Variants in MCAT observed in about 807,000 individuals in gnomAD.
MCAT encodes malonyl-CoA-acyl carrier protein transacylase, mitochondrial.
MCAT carries 22 observed loss-of-function variants against 22.9 expected under a neutral mutation model. The ratio of observed to expected loss-of-function variants is 0.96; its 90% CI spans 0.69 to 1.37. MCAT has a LOEUF of 1.37. MCAT is among the 40% of genes most tolerant of loss of function. MCAT has a pLI of 0.00. For missense variants in MCAT, 534 were observed against 533.6 expected, an observed-to-expected ratio of 1.00 and a Z score of -0.01; for synonymous variants, 240 against 233.9, an observed-to-expected ratio of 1.03 and a Z score of -0.24.
intron 2 of MCAT, 109 bp from the exon 3 acceptor site, chr22:43,137,407 C>CCAGGTA (rs1930648359): frequency 1.2e-6 from 1 of 843,606 alleles, no homozygotes; most frequent in African/African-American, 1.7e-5. Flanking sequence ...GACAGGGGCA[C>CCAGGTA]TGGTGTCTGC....
intron 3 of MCAT, among the ~76,000 whole-genome samples, chr22:43,134,438 C>T (rs763450863): frequency 7.2e-5 from 11 of 152,168 alleles, no homozygotes; most frequent in African/African-American, 2.2e-4. Context: ...ACCTCCACCT[C>T]GCAGGTTCAA....
At chr22:43,140,906 G>A (rs577762625) in intron 2 of MCAT, 91 of 468,338 alleles carry the variant, frequency 1.9e-4, no homozygotes, top group African/African-American at 1.7e-3. Context: ...CTGCAGGTAT[G>A]AGTGCACAGG....
chr22:43,142,969 G>A lies in MCAT; in HGVS notation c.380C>T (p.Ala127Val). The stretch of plus-strand genomic sequence containing the variant: ...TAGTTTCTCGACAGCGGCCAGCGAT[G>A]CCACGAAGATCGCGGGCTGACAGTG... ...TVHCQPAIFV[A>V]SLAAVEKLHH... Residue 127 changes from alanine (A) to valine (V), a missense_variant, in exon 1 of 4, where the codon GCA becomes GTA. Physicochemically the swap from Ala to Val is moderately conservative, Grantham distance 64 (BLOSUM62 0). Coordinates refer to ENST00000290429, the MANE Select transcript of MCAT (RefSeq NM_173467.5). 1 of 1,596,892 alleles carries A rather than the reference G, an allele frequency of 6.3e-7. No homozygotes were observed. The highest frequency in any genetic ancestry group is 1.1e-5 in the South Asian group (1 of 89,470).
intron 3 of MCAT, among the ~76,000 whole-genome samples, 155 bp downstream of exon 3, chr22:43,136,926 A>T (rs1326059294): frequency 6.6e-6 from 1 of 152,198 alleles, no homozygotes; most frequent in Non-Finnish European, 1.5e-5. Flanking sequence ...CCTGCTTTGC[A>T]GCACTCGGTC....
Position 43,143,340 on chromosome 22 carries a change from G to C in MCAT, c.9C>G (p.Val3=). 3.6e-6 allele frequency: 5 copies of C among 1,385,226 alleles called. No individual in the cohort carries two copies. Among genetic ancestry groups the C allele is most frequent in the Non-Finnish European group, 4.6e-6 (5 of 1,078,806 alleles). 85.8% of individuals were successfully genotyped at this position (1,385,226 alleles called of 1,614,324 possible). MS[V]RVARVAWVRG... Reference sequence around the variant, plus strand: ...TGACCCACGCTACCCGTGCGACCCGGACGCTCATGGTCGGACACCTGCCCG... The same window carrying C: ...TGACCCACGCTACCCGTGCGACCCGCACGCTCATGGTCGGACACCTGCCCG... The change falls in exon 1 of 4, where the codon GTC becomes GTG. Residue 3 remains valine, a synonymous_variant. Transcript: ENST00000290429.
In MCAT at chr22:43,143,159, C is replaced by G. The variant is rs533875030; in HGVS notation, c.190G>C (p.Val64Leu). The G allele has an allele frequency of 4.4e-5, 70 of 1,578,914 alleles. No individual in the cohort carries two copies. In the South Asian group the frequency reaches 8.0e-4, roughly 18 times the overall value. Residue 64 changes from valine (V) to leucine (L), a missense_variant, in exon 1 of 4, where the codon GTG becomes CTG. Physicochemically the swap from Val to Leu is conservative, Grantham distance 32. Coordinates refer to ENST00000290429, the MANE Select transcript of MCAT (RefSeq NM_173467.5). ...CTGCCCTGGCCCGGGAAGAGCAGCA[C>G]GGAGCACTGGCCCGGCATTCGCCGC... ...TERRMPGQCS[V>L]LLFPGQGSQV...
intron 2 of MCAT, chr22:43,140,876 A>G (rs59831398): frequency 0.012 from 4,852 of 394,452 alleles, 230 homozygotes; most frequent in African/African-American, 0.089. Flanking sequence ...TACTGAACAC[A>G]TACTCTCGTG....
chr22:43,137,242 G>A lies in MCAT; in HGVS notation c.568C>T (p.Pro190Ser). The change falls in exon 3 of 4, where the codon CCC becomes TCC. Residue 190 changes from proline to serine, a missense_variant. Physicochemically the swap from Pro to Ser is moderately conservative, Grantham distance 74 (BLOSUM62 -1). Transcript: ENST00000290429. ...EAMQEASEAV[P>S]SGMLSVLGQP... is the part of the protein sequence containing the mutation. Reference sequence around the variant, plus strand: ...CCGAGGACAGACAGCATCCCACTGGGGACAGCTTCTGAAGCTTCCTGCATG... The same window carrying A: ...CCGAGGACAGACAGCATCCCACTGGAGACAGCTTCTGAAGCTTCCTGCATG... The A allele has an allele frequency of 6.2e-7, 1 of 1,614,172 alleles. No homozygotes were observed. The highest frequency in any genetic ancestry group is 8.5e-7 in the Non-Finnish European group (1 of 1,180,040).
chr22:43,133,259 C>T lies in MCAT; in HGVS notation c.957G>A (p.Gln319=), dbSNP rs757112732. 6.2e-7 allele frequency: 1 copy of T among 1,614,242 alleles called. No individual in the cohort carries two copies. Among genetic ancestry groups the T allele is most frequent in the Non-Finnish European group, 8.5e-7 (1 of 1,180,050 alleles). The change falls in exon 4 of 4, where the codon CAG becomes CAA. Residue 319 remains glutamine, a synonymous_variant. Transcript: ENST00000290429. ...PGHIHKLLAQ[Q]LVSPVKWEQT... ...GCTCCCACTTCACTGGGGAGACCAG[C>T]TGCTGGGCCAGCAGCTTGTGGATGT...
At chr22:43,133,807 CTTTT>C (rs59733103) in intron 3 of MCAT, among the ~76,000 whole-genome samples, 3 of 141,256 alleles carry the variant, frequency 2.1e-5, no homozygotes, top group Admixed American at 1.4e-4. Context: ...AATGAGAATT[CTTTT>C]TTTTTTTTTT....
At chr22:43,135,582 G>A (rs911985957) in intron 3 of MCAT, among the ~76,000 whole-genome samples, 1 of 151,850 alleles carries the variant, frequency 6.6e-6, no homozygotes, top group African/African-American at 2.4e-5. Context: ...ACCTGTCTGG[G>A]AGCCTACTGG....
intron 2 of MCAT, among the ~76,000 whole-genome samples, chr22:43,139,356 T>C (rs951015091): frequency 4.6e-5 from 7 of 151,858 alleles, no homozygotes; most frequent in Non-Finnish European, 1.0e-4. Flanking sequence ...CGAGACCCCA[T>C]CTCTACAAAA....
chr22:43,142,846 G>C, intron 1 of MCAT, 80 bp downstream of exon 1: 5 of 1,358,032 alleles, frequency 3.7e-6, no homozygotes, highest in Non-Finnish European at 4.8e-6. Flanking sequence ...CCCCGGAATG[G>C]CAGGCGGAAG....
In MCAT at chr22:43,132,881, A is replaced by T. The variant is rs1017901710; in HGVS notation, c.*162T>A. 2.2e-5 allele frequency: 14 copies of T among 630,092 alleles called. No individual in the cohort carries two copies. The highest frequency in any genetic ancestry group is 3.9e-5 in the Non-Finnish European group (14 of 361,660). 39.0% of individuals were successfully genotyped at this position (630,092 alleles called of 1,614,324 possible). ...AATGGACTGGGTCATGTAAAGAAATACTCATTTTTAGGGCTTTTTATGTGG... is the reference window on the plus strand; with the variant it reads ...AATGGACTGGGTCATGTAAAGAAATTCTCATTTTTAGGGCTTTTTATGTGG... On this transcript the variant is annotated 3_prime_UTR_variant, in exon 4 of 4. Coordinates refer to ENST00000290429, the MANE Select transcript of MCAT (RefSeq NM_173467.5).
Position 43,133,375 on chromosome 22 carries a change from G to C in MCAT, c.841C>G (p.Leu281Val), listed in dbSNP as rs1467637622. 1.6e-5 allele frequency: 26 copies of C among 1,614,032 alleles called. No individual in the cohort carries two copies. The highest frequency in any genetic ancestry group is 2.1e-5 in the Non-Finnish European group (25 of 1,180,024). Residue 281 changes from leucine to valine, a missense_variant, in exon 4 of 4, where the codon CTG (leucine) becomes GTG (valine). Leu to Val is a conservative substitution (Grantham distance 32). Coordinates refer to ENST00000290429, the MANE Select transcript of MCAT (RefSeq NM_173467.5). ...TCGACTGCCTTTAAAGCTTGCGTCA[G>C]GGGCTCCACGGCTGGCTCCATGAGG... Reference protein sequence around the residue: ...TRLMEPAVEPLTQALKAVDIK... With the variant: ...TRLMEPAVEPVTQALKAVDIK...
Position 43,133,197 on chromosome 22 carries a change from C to T in MCAT, c.1019G>A (p.Arg340Lys). The T allele has an allele frequency of 1.9e-6, 3 of 1,614,252 alleles. No individual in the cohort carries two copies. Among genetic ancestry groups the T allele is most frequent in the Middle Eastern group, 3.3e-4 (2 of 6,062 alleles). ...TACTTCGAAAGTTTGGGGGAACCCC[C>T]TGCCCTTTTTCCTTTCGTATATGGC... is the stretch of plus-strand genomic sequence containing the variant. ...MHAIYERKKGRGFPQTFEVGP... is the reference protein window; with the variant it reads ...MHAIYERKKGKGFPQTFEVGP... Residue 340 changes from arginine (R) to lysine (K), a missense_variant, in exon 4 of 4, where the codon AGG becomes AAG. By Grantham distance (26) the Arg-to-Lys change is conservative (BLOSUM62 2). Transcript: ENST00000290429.
chr22:43,133,807 C>CCTTTTTTT (rs1555973353), intron 3 of MCAT, among the ~76,000 whole-genome samples: 1 of 141,286 alleles, frequency 7.1e-6, no homozygotes, highest in African/African-American at 2.6e-5. Flanking sequence ...AATGAGAATT[C>CCTTTTTTT]TTTTTTTTTT....
chr22:43,136,801 C>T (rs571182982), intron 3 of MCAT, among the ~76,000 whole-genome samples: 2 of 152,232 alleles, frequency 1.3e-5, no homozygotes, highest in Admixed American at 6.5e-5. Context: ...GAATGTACTA[C>T]GGGAAGGGCC....
intron 3 of MCAT, 67 bp downstream of exon 3, chr22:43,137,014 G>A (rs1044400723): frequency 9.5e-6 from 13 of 1,364,338 alleles, no homozygotes; most frequent in African/African-American, 2.9e-5. Context: ...TAGGCCTCAC[G>A]GGTGTGGAGC....
Sources: gnomAD v4.1 joint callset for allele counts (sites outside exome capture counted in the v4.1 genomes callset) on GRCh38, gnomAD v4.1.1 for gene constraint, MANE v1.5 for transcripts, NCBI Gene and HGNC (gene_info 2026-07-23, HGNC 2026-07-21) for gene names.